Variants in AGMO observed in about 807,000 individuals in gnomAD.
The protein encoded by AGMO is glyceryl-ether monooxygenase.
Under a neutral mutation model 60.2 loss-of-function variants are expected in AGMO, and 75 were observed. That is an observed-to-expected ratio of 1.25 (90% CI 1.03 to 1.51). AGMO has a LOEUF of 1.51. Among genes scored for constraint, AGMO ranks in the 40% most tolerant of loss-of-function variants. The probability of loss-of-function intolerance (pLI) is 0.00; values close to 1 mark genes in which losing one functional copy is unlikely to be tolerated. For synonymous variants in AGMO, 261 were observed against 177.1 expected (o/e 1.47, Z -3.76); for missense variants, 763 against 525.5 (o/e 1.45, Z -4.42).
chr7:15,369,180 C>T (rs893167170), intron 10 of AGMO, among the ~76,000 whole-genome samples: 1 of 151,976 alleles, frequency 6.6e-6, no homozygotes, highest in East Asian at 1.9e-4. Context: ...TATTCCACCC[C>T]AAGATGATCT....
At chr7:15,174,365 C>A in the AGMO span, among the ~76,000 whole-genome samples, 6 of 151,968 alleles carry the variant, frequency 3.9e-5, no homozygotes, top group African/African-American at 1.5e-4. Context: ...TCTGCATGTA[C>A]TATTTGCATT....
intron 12 of AGMO, among the ~76,000 whole-genome samples, chr7:15,288,503 TGAAA>T (rs1375550761): frequency 6.6e-6 from 1 of 152,044 alleles, no homozygotes; most frequent in Non-Finnish European, 1.5e-5. Context: ...GTAGGAAAGA[TGAAA>T]GAATCATTCT....
At chr7:15,456,297 T>C (rs1562516783) in intron 3 of AGMO, among the ~76,000 whole-genome samples, 1 of 152,128 alleles carries the variant, frequency 6.6e-6, no homozygotes, top group Admixed American at 6.6e-5. Flanking sequence ...AAAACTATTT[T>C]TATGTTCCTT....
At chr7:15,542,027 G>C (rs368793539) in intron 3 of AGMO, among the ~76,000 whole-genome samples, 1 of 152,114 alleles carries the variant, frequency 6.6e-6, no homozygotes, top group East Asian at 1.9e-4. Flanking sequence ...AATCTGACCA[G>C]TTATTCAATT....
chr7:15,375,813 A>G (rs1344001899), intron 10 of AGMO, among the ~76,000 whole-genome samples: 1 of 152,096 alleles, frequency 6.6e-6, no homozygotes, highest in Non-Finnish European at 1.5e-5. Context: ...TAACAAATCT[A>G]AGTGAGGTTA....
chr7:15,529,013 C>T (rs80024091), intron 3 of AGMO, among the ~76,000 whole-genome samples: 2,208 of 152,074 alleles, frequency 0.015, 55 homozygotes, highest in African/African-American at 0.05. Flanking sequence ...GGGGTTATGG[C>T]ATCAACTTAA....
intron 12 of AGMO, among the ~76,000 whole-genome samples, chr7:15,294,284 G>C (rs1784353701): frequency 6.6e-6 from 1 of 151,816 alleles, no homozygotes; most frequent in Admixed American, 6.6e-5. Context: ...TAACATGCTA[G>C]AAATATTCCA....
At chr7:15,166,456 G>A in the AGMO span, among the ~76,000 whole-genome samples, 2 of 152,132 alleles carry the variant, frequency 1.3e-5, no homozygotes, top group Non-Finnish European at 2.9e-5. Flanking sequence ...GAGGAAGAAG[G>A]CATCCATCAT....
intron 3 of AGMO, among the ~76,000 whole-genome samples, chr7:15,475,197 T>C (rs1782561633): frequency 1.3e-5 from 2 of 152,160 alleles, no homozygotes; most frequent in South Asian, 2.1e-4. Flanking sequence ...ACTGGTTATA[T>C]ACCCAAAGGA....
chr7:15,128,939 T>C, the AGMO span, among the ~76,000 whole-genome samples: 1 of 152,014 alleles, frequency 6.6e-6, no homozygotes, highest in African/African-American at 2.4e-5. Flanking sequence ...TCAAAGGCAG[T>C]CAGGGTTGTC....
intron 3 of AGMO, among the ~76,000 whole-genome samples, chr7:15,536,373 A>G (rs1300763551): frequency 6.6e-6 from 1 of 151,918 alleles, no homozygotes; most frequent in East Asian, 1.9e-4. Flanking sequence ...AATTTTCTAT[A>G]TTACTATTAG....
At chr7:15,268,968 C>T (rs756403816) in intron 12 of AGMO, among the ~76,000 whole-genome samples, 2 of 151,870 alleles carry the variant, frequency 1.3e-5, no homozygotes, top group African/African-American at 2.4e-5. Context: ...AACAATGAGG[C>T]CAGTAGCATG....
intron 10 of AGMO, among the ~76,000 whole-genome samples, chr7:15,373,214 G>T (rs1209767918): frequency 6.6e-6 from 1 of 151,704 alleles, no homozygotes; most frequent in African/African-American, 2.4e-5. Context: ...GGAGGAGGTG[G>T]TTTCAGTGAG....
intron 12 of AGMO, among the ~76,000 whole-genome samples, chr7:15,255,232 G>A (rs113203855): frequency 1.3e-5 from 2 of 151,992 alleles, no homozygotes; most frequent in Non-Finnish European, 1.5e-5. Context: ...GGTTAGGGAA[G>A]GGATAACATT....
chr7:15,323,453 A>C (rs1306818906), intron 12 of AGMO, among the ~76,000 whole-genome samples: 5 of 152,190 alleles, frequency 3.3e-5, no homozygotes, highest in African/African-American at 1.2e-4. Flanking sequence ...GGAGAAATAC[A>C]GTGTATACAA....
At chr7:15,152,767 C>T in the AGMO span, among the ~76,000 whole-genome samples, 3 of 152,146 alleles carry the variant, frequency 2.0e-5, no homozygotes, top group South Asian at 2.1e-4. Flanking sequence ...GGGCTGGTTC[C>T]GTATTTTTGC....
chr7:15,282,695 C>G (rs929379937), intron 12 of AGMO, among the ~76,000 whole-genome samples: 2 of 152,284 alleles, frequency 1.3e-5, no homozygotes, highest in South Asian at 2.1e-4. Context: ...ACTTCCCTGG[C>G]TTTGTTAGGC....
chr7:15,544,219 G>C (rs1463676805), intron 3 of AGMO, among the ~76,000 whole-genome samples: 1 of 151,734 alleles, frequency 6.6e-6, no homozygotes, highest in African/African-American at 2.4e-5. Context: ...GAGACTAGGG[G>C]GAGAGGGTGG....
chr7:15,469,411 G>A (rs1294530983), intron 3 of AGMO, among the ~76,000 whole-genome samples: 1 of 152,034 alleles, frequency 6.6e-6, no homozygotes, highest in Non-Finnish European at 1.5e-5. Context: ...CAACTAAACC[G>A]ACTATAACAA....
Sources: allele counts gnomAD v4.1 joint callset (sites outside exome capture counted in the v4.1 genomes callset), GRCh38; gene constraint gnomAD v4.1.1; transcripts MANE v1.5; gene names NCBI Gene and HGNC (gene_info 2026-07-23, HGNC 2026-07-21).